Variants in LGSN observed in about 807,000 individuals in gnomAD.
The protein encoded by LGSN is lengsin.
LGSN carries 21 observed loss-of-function variants against 19.5 expected under a neutral mutation model. The ratio of observed to expected loss-of-function variants is 1.07; its 90% CI spans 0.76 to 1.55. The LOEUF is 1.55. Among genes scored for constraint, LGSN ranks in the 40% most tolerant of loss-of-function variants. The pLI is 0.00. For missense variants in LGSN, 673 were observed against 608.5 expected, an observed-to-expected ratio of 1.11 and a Z score of -1.12; for synonymous variants, 257 against 215.6, an observed-to-expected ratio of 1.19 and a Z score of -1.68.
chr6:63,495,890 A>G, the LGSN span, among the ~76,000 whole-genome samples: 1 of 152,074 alleles, frequency 6.6e-6, no homozygotes, highest in African/African-American at 2.4e-5. Flanking sequence ...TGGAACACTC[A>G]CATGTAATGT....
the LGSN span, among the ~76,000 whole-genome samples, chr6:63,414,687 G>A: frequency 6.6e-6 from 1 of 152,228 alleles, no homozygotes; most frequent in Non-Finnish European, 1.5e-5. Context: ...CACTTTCAGA[G>A]GCAGTTCACT....
At chr6:63,542,025 GT>G in the LGSN span, among the ~76,000 whole-genome samples, 13 of 29,326 alleles carry the variant, frequency 4.4e-4, no homozygotes, top group Non-Finnish European at 1.2e-3. Context: ...AAACTGTGGT[GT>G]GTGTGTGTGT....
At chr6:63,355,274 A>G in the LGSN span, among the ~76,000 whole-genome samples, 1 of 152,336 alleles carries the variant, frequency 6.6e-6, no homozygotes, top group East Asian at 1.9e-4. Flanking sequence ...ATGAAAAATA[A>G]AATATCCCTA....
At chr6:63,399,997 T>G in the LGSN span, among the ~76,000 whole-genome samples, 1 of 152,216 alleles carries the variant, frequency 6.6e-6, no homozygotes, top group Non-Finnish European at 1.5e-5. Flanking sequence ...GATTTTCTTG[T>G]TCTTAACCTA....
At chr6:63,343,313 G>C in the LGSN span, among the ~76,000 whole-genome samples, 42,048 of 152,084 alleles carry the variant, frequency 0.28, 6,610 homozygotes, top group African/African-American at 0.41. Flanking sequence ...TTACTTTCAT[G>C]AGTCTGAGAT....
At chr6:63,368,593 C>A in the LGSN span, among the ~76,000 whole-genome samples, 2 of 152,228 alleles carry the variant, frequency 1.3e-5, no homozygotes, top group Non-Finnish European at 2.9e-5. Context: ...CCTCCCCCCA[C>A]TCCACACACG....
chr6:63,307,483 T>C (rs970111494), intron 1 of LGSN, among the ~76,000 whole-genome samples: 1 of 152,138 alleles, frequency 6.6e-6, no homozygotes, highest in African/African-American at 2.4e-5. Flanking sequence ...ACTCTTTAAT[T>C]GATGGGCTGT....
At chr6:63,310,057 C>T (rs1768560989) in intron 1 of LGSN, among the ~76,000 whole-genome samples, 1 of 152,198 alleles carries the variant, frequency 6.6e-6, no homozygotes, top group South Asian at 2.1e-4. Context: ...TCTCTCCAGC[C>T]TTCACAGCTG....
At chr6:63,528,219 C>G in the LGSN span, 1 of 152,158 alleles carries the variant, frequency 6.6e-6, no homozygotes, top group Non-Finnish European at 1.5e-5. Context: ...TGTAAAATTT[C>G]AAACACACTA....
chr6:63,532,300 A>G, the LGSN span, among the ~76,000 whole-genome samples: 1 of 152,124 alleles, frequency 6.6e-6, no homozygotes, highest in African/African-American at 2.4e-5. Context: ...ATTTTGGTAA[A>G]TCTCTATTAA....
At chr6:63,286,148 GAACT>G (rs1767529827) in intron 2 of LGSN, among the ~76,000 whole-genome samples, 3 of 152,258 alleles carry the variant, frequency 2.0e-5, no homozygotes, top group South Asian at 2.1e-4. Context: ...TGGGCTTCTT[GAACT>G]AACTGTTAAT....
chr6:63,559,329 T>A, the LGSN span, among the ~76,000 whole-genome samples: 1 of 152,230 alleles, frequency 6.6e-6, no homozygotes, highest in Non-Finnish European at 1.5e-5. Context: ...TGATAGTGTA[T>A]AAAGCTATTT....
Position 63,281,078 on chromosome 6 carries a change from A to T in LGSN, c.473T>A (p.Val158Asp). 6.2e-7 allele frequency: 1 copy of T among 1,613,612 alleles called. No individual in the cohort carries two copies. The highest frequency in any genetic ancestry group is 1.3e-5 in the African/African-American group (1 of 74,874). ...VLMPELSTFR[V>D]LPWADRTARV... ...TGCAGTTCTGTCAGCCCATGGCAAAACTCTAAAGGTTGATAACTCTGGCAT... is the reference window on the plus strand; with the variant it reads ...TGCAGTTCTGTCAGCCCATGGCAAATCTCTAAAGGTTGATAACTCTGGCAT... The change falls in exon 4 of 4, where the codon GTT becomes GAT. Residue 158 changes from valine to aspartate, a missense_variant. Transcript: ENST00000370657.
chr6:63,502,076 A>C, the LGSN span, among the ~76,000 whole-genome samples: 51 of 152,344 alleles, frequency 3.3e-4, no homozygotes, highest in Admixed American at 3.3e-3. Flanking sequence ...TTGGGATTAC[A>C]GGCATGAGTC....
At chr6:63,441,598 G>A in the LGSN span, 2 of 456,720 alleles carry the variant, frequency 4.4e-6, no homozygotes, top group Non-Finnish European at 8.3e-6. Flanking sequence ...GCAAAGCAGC[G>A]AGCTAAGGAA....
the LGSN span, among the ~76,000 whole-genome samples, chr6:63,455,895 C>T: frequency 1.3e-5 from 2 of 150,758 alleles, no homozygotes; most frequent in African/African-American, 2.4e-5. Flanking sequence ...GGCAACACAG[C>T]GAGACCCTGT....
chr6:63,330,823 G>C, the LGSN span, among the ~76,000 whole-genome samples: 3 of 152,098 alleles, frequency 2.0e-5, no homozygotes, highest in African/African-American at 7.2e-5. Context: ...CCAAACTCTC[G>C]GGCTGCAGCT....
At chr6:63,451,030 T>A in the LGSN span, among the ~76,000 whole-genome samples, 4 of 152,112 alleles carry the variant, frequency 2.6e-5, no homozygotes, top group African/African-American at 9.7e-5. Flanking sequence ...CTTTTTTATG[T>A]CTAGTAATAC....
the LGSN span, among the ~76,000 whole-genome samples, chr6:63,365,786 T>C: frequency 6.7e-4 from 102 of 152,152 alleles, 1 homozygote; most frequent in African/African-American, 2.3e-3. Flanking sequence ...GTTCAACATA[T>C]GCAAATCAAT....
Sources: allele counts gnomAD v4.1 joint callset (sites outside exome capture counted in the v4.1 genomes callset), GRCh38; gene constraint gnomAD v4.1.1; transcripts MANE v1.5; gene names NCBI Gene and HGNC (gene_info 2026-07-23, HGNC 2026-07-21).